PHTF2: variants seen among roughly 807,000 people sequenced by gnomAD.
PHTF2 encodes the protein protein PHTF2.
Under a neutral mutation model 101.2 loss-of-function variants are expected in PHTF2, and 60 were observed. The observed-to-expected ratio is 0.59, with a 90% CI of 0.48 to 0.73. PHTF2 has a LOEUF of 0.73. Among genes scored for constraint, PHTF2 ranks in the 30% least tolerant of loss-of-function variants. The probability of loss-of-function intolerance (pLI) is 0.00; values close to 1 mark genes in which losing one functional copy is unlikely to be tolerated. For missense variants in PHTF2, 747 were observed against 908.7 expected, an observed-to-expected ratio of 0.82 and a Z score of 2.29; for synonymous variants, 311 against 307.3, an observed-to-expected ratio of 1.01 and a Z score of -0.13.
intron 5 of PHTF2, among the ~76,000 whole-genome samples, chr7:77,899,934 C>T (rs534337980): frequency 2.0e-5 from 3 of 151,910 alleles, no homozygotes; most frequent in African/African-American, 7.2e-5. Flanking sequence ...TCTTCCAATT[C>T]TTAACATTCT....
chr7:77,811,861 GTATATA>G (rs1793469802), intron 1 of PHTF2, among the ~76,000 whole-genome samples: 1 of 152,128 alleles, frequency 6.6e-6, no homozygotes. Flanking sequence ...TGGACGTAAA[GTATATA>G]TGTATACGGA....
intron 17 of PHTF2, among the ~76,000 whole-genome samples, chr7:77,950,811 C>G (rs750890391): frequency 2.6e-5 from 4 of 152,166 alleles, no homozygotes; most frequent in Non-Finnish European, 1.5e-5. Context: ...GGTTTACACA[C>G]GGTTTTGGTT....
chr7:77,910,421 T>C lies in PHTF2; in HGVS notation c.776+12T>C, dbSNP rs368879438. On this transcript the variant is annotated intron_variant, in intron 9 of 19. Coordinates refer to ENST00000416283, the Ensembl canonical transcript of PHTF2. Reference sequence around the variant, plus strand: ...TTCTTTTTATCAGGGTTTGTATTTATTTAAGGTTTTATATGGCATAGAGAT... The same window carrying C: ...TTCTTTTTATCAGGGTTTGTATTTACTTAAGGTTTTATATGGCATAGAGAT... 3 of 1,603,204 alleles carry C rather than the reference T, an allele frequency of 1.9e-6. No homozygotes were observed. Among genetic ancestry groups the C allele is most frequent in the Admixed American group, 1.7e-5 (1 of 59,208 alleles).
At chr7:77,929,234 A>G (rs762278137) in exon 12 of PHTF2, 7 of 1,612,152 alleles carry the variant, frequency 4.3e-6, no homozygotes, top group Non-Finnish European at 5.9e-6. Flanking sequence ...ATTGTGCAGA[A>G]TGCCATTCAT....
At position 77,865,174 on chromosome 7, in the gene PHTF2, A is replaced by G. The variant is rs994732214; in HGVS notation, c.147+10340A>G. Among the ~76,000 whole-genome samples the G allele has an allele frequency of 5.9e-5, 9 of 152,042 alleles. No individual in the cohort carries two copies. In the South Asian group the frequency reaches 1.7e-3, roughly 28 times the overall value. The stretch of plus-strand genomic sequence containing the variant: ...ATATAAACATTCTGAGATGTTCCAT[A>G]TAAGCTAAATTCATTCTGCTCCATT... On this transcript the variant is annotated intron_variant, in intron 3 of 19. Transcript: ENST00000416283.
chr7:77,850,641 C>CAAAAAA (rs545263519), intron 2 of PHTF2, among the ~76,000 whole-genome samples: 1 of 52,754 alleles, frequency 1.9e-5, no homozygotes. Context: ...GACCCTGTCT[C>CAAAAAA]AAAAAAAAAA....
intron 18 of PHTF2, among the ~76,000 whole-genome samples, chr7:77,953,501 G>A (rs1806730573): frequency 6.6e-6 from 1 of 152,040 alleles, no homozygotes; most frequent in African/African-American, 2.4e-5. Flanking sequence ...ATGTTCTCTA[G>A]CCTCTTTATA....
rs188107986 is a variant in PHTF2 at position 77,934,393 on chromosome 7, T to G, written c.1339-3317T>G. ...AGCTATATTCAGCTGAAATTCAGTTTTTAGTAAGTGTAAAGCTTTAAATGG... is the reference window on the plus strand; with the variant it reads ...AGCTATATTCAGCTGAAATTCAGTTGTTAGTAAGTGTAAAGCTTTAAATGG... On this transcript the variant is annotated intron_variant, in intron 12 of 19. Transcript: ENST00000416283. Among the ~76,000 whole-genome samples, 1,508 of 152,330 alleles carry G rather than the reference T, an allele frequency of 9.9e-3. 11 individuals are homozygous for G. Among genetic ancestry groups the G allele is most frequent in the Middle Eastern group, 0.037 (11 of 294 alleles).
At chr7:77,889,643 T>C (rs561591530) in intron 3 of PHTF2, among the ~76,000 whole-genome samples, 23 of 143,990 alleles carry the variant, frequency 1.6e-4, no homozygotes, top group Admixed American at 9.9e-4. Flanking sequence ...TAGGCTGGAG[T>C]GCAGTGGTGT....
At chr7:77,942,315 C>G (rs1280281906) in intron 15 of PHTF2, among the ~76,000 whole-genome samples, 1 of 152,206 alleles carries the variant, frequency 6.6e-6, no homozygotes, top group Non-Finnish European at 1.5e-5. Flanking sequence ...TCACTCCCCT[C>G]CTAGTTCCTG....
At chr7:77,893,428 G>C (rs1478516971) in intron 3 of PHTF2, among the ~76,000 whole-genome samples, 180 bp from the exon 3 acceptor site, 1 of 152,058 alleles carries the variant, frequency 6.6e-6, no homozygotes, top group East Asian at 1.9e-4. Flanking sequence ...TAGTACTACT[G>C]GTCCTGAAAT....
chr7:77,906,178 G>A (rs1231242664), intron 7 of PHTF2: 1 of 152,176 alleles, frequency 6.6e-6, no homozygotes, highest in Non-Finnish European at 1.5e-5. Context: ...AGCAGAGATG[G>A]GGTTTCTCCA....
intron 9 of PHTF2, 93 bp from the exon 9 acceptor site, chr7:77,920,186 T>C (rs1433383369): frequency 3.1e-6 from 2 of 634,924 alleles, no homozygotes; most frequent in Non-Finnish European, 5.3e-6. Context: ...GAAATAGCTA[T>C]CTGATGTAAT....
intron 6 of PHTF2, among the ~76,000 whole-genome samples, chr7:77,901,129 C>T (rs1227779888): frequency 6.6e-6 from 1 of 152,218 alleles, no homozygotes. Context: ...ATCTCAAGGA[C>T]AGCCTCAAGC....
At chr7:77,890,691 C>T (rs1289299919) in intron 3 of PHTF2, among the ~76,000 whole-genome samples, 2 of 149,038 alleles carry the variant, frequency 1.3e-5, no homozygotes, top group Non-Finnish European at 1.5e-5. Context: ...CCGCAAGCTC[C>T]GCCTCCCGGG....
At chr7:77,925,317 G>C (rs1803859642) in intron 11 of PHTF2, among the ~76,000 whole-genome samples, 1 of 151,940 alleles carries the variant, frequency 6.6e-6, no homozygotes, top group Non-Finnish European at 1.5e-5. Context: ...CTAAAGATTT[G>C]ACATGACTAG....
rs374381960 is a variant in PHTF2 at position 77,932,059 on chromosome 7, C to G, written c.1338+2732C>G. On this transcript the variant is annotated intron_variant, in intron 12 of 19. Transcript: ENST00000416283. ...GGCTTAGCAGTGAGCTGAGATGGCG[C>G]TATTGCACTCCAGCCTGAGCGACAG... Among the ~76,000 whole-genome samples, 22 of 152,212 alleles carry G rather than the reference C, an allele frequency of 1.4e-4. No homozygotes were observed. In the South Asian group the frequency reaches 4.6e-3, roughly 32 times the overall value.
chr7:77,926,935 A>G (rs1208500038), intron 11 of PHTF2, among the ~76,000 whole-genome samples: 2 of 152,060 alleles, frequency 1.3e-5, no homozygotes, highest in Non-Finnish European at 2.9e-5. Flanking sequence ...AGGTGGGCTG[A>G]TCACTTGAGG....
At chr7:77,849,115 T>G (rs182151356) in intron 2 of PHTF2, among the ~76,000 whole-genome samples, 1 of 151,308 alleles carries the variant, frequency 6.6e-6, no homozygotes, top group African/African-American at 2.4e-5. Flanking sequence ...CATGCTGGAG[T>G]TTTTTTTGTT....
Sources: allele counts gnomAD v4.1 joint callset (sites outside exome capture counted in the v4.1 genomes callset), GRCh38; gene constraint gnomAD v4.1.1; transcripts MANE v1.5; gene names NCBI Gene and HGNC (gene_info 2026-07-23, HGNC 2026-07-21).